RPA2: variants seen among roughly 807,000 people sequenced by gnomAD.
RPA2 encodes replication protein A 32 kDa subunit.
In RPA2, 22 loss-of-function variants were observed where a neutral mutation model predicts 33.4. That is an observed-to-expected ratio of 0.66 (90% CI 0.47 to 0.94). The LOEUF is 0.94. Ranked by LOEUF, RPA2 falls within the 40% of genes least tolerant of loss-of-function variation. The pLI is 0.00. For missense variants in RPA2, 279 were observed against 329.9 expected (o/e 0.85, Z 1.19); for synonymous variants, 109 against 114.9 (o/e 0.95, Z 0.33).
chr1:27,896,015 C>T (rs1328093408), intron 6 of RPA2, among the ~76,000 whole-genome samples: 1 of 152,088 alleles, frequency 6.6e-6, no homozygotes, highest in African/African-American at 2.4e-5. Flanking sequence ...CCTCCATCAG[C>T]CTCTTCTCCT....
At chr1:27,899,689 C>CT (rs1222313978) in intron 4 of RPA2, among the ~76,000 whole-genome samples, 6 of 150,046 alleles carry the variant, frequency 4.0e-5, no homozygotes, top group South Asian at 4.2e-4. Context: ...CAATTTTTTT[C>CT]TTTTTTTTTG....
At chr1:27,908,717 C>T (rs932729671) in intron 2 of RPA2, among the ~76,000 whole-genome samples, 2 of 152,002 alleles carry the variant, frequency 1.3e-5, no homozygotes, top group Non-Finnish European at 1.5e-5. Context: ...AGGCTGGTCT[C>T]GAACACCTGA....
chr1:27,914,411 C>T, intron 1 of RPA2, 23 bp downstream of exon 1: 1 of 1,610,758 alleles, frequency 6.2e-7, no homozygotes, highest in Non-Finnish European at 8.5e-7. Context: ...TCTTCCTCCT[C>T]CACCCCGCAC....
intron 4 of RPA2, among the ~76,000 whole-genome samples, chr1:27,903,864 TAAAAAAAAAAAAAAA>T (rs34163774): frequency 2.2e-5 from 2 of 92,858 alleles, no homozygotes; most frequent in African/African-American, 8.3e-5. Context: ...TGTCTCTATT[TAAAAAAAAAAAAAAA>T]AAAAAAAAAG....
chr1:27,892,837 A>G (rs1446992638), intron 8 of RPA2, among the ~76,000 whole-genome samples: 5 of 152,218 alleles, frequency 3.3e-5, no homozygotes, highest in African/African-American at 1.2e-4. Flanking sequence ...TTTACAGGAC[A>G]GGAAATGGAA....
chr1:27,908,456 A>G (rs551950591), intron 2 of RPA2, among the ~76,000 whole-genome samples: 2 of 152,052 alleles, frequency 1.3e-5, no homozygotes, highest in Admixed American at 6.6e-5. Flanking sequence ...GGGAAGAGGC[A>G]GGATAGGGTA....
intron 8 of RPA2, among the ~76,000 whole-genome samples, chr1:27,893,659 G>A (rs566720171): frequency 1.4e-4 from 22 of 152,198 alleles, no homozygotes; most frequent in African/African-American, 3.9e-4. Flanking sequence ...CCAGGCTGGA[G>A]TGCAGTGGTG....
At chr1:27,904,792 T>C (rs984098022) in intron 4 of RPA2, among the ~76,000 whole-genome samples, 1 of 151,892 alleles carries the variant, frequency 6.6e-6, no homozygotes, top group African/African-American at 2.4e-5. Flanking sequence ...AGCTTCTGGG[T>C]AGCTGGGATT....
At chr1:27,895,227 C>T (rs2089874539) in intron 6 of RPA2, among the ~76,000 whole-genome samples, 1 of 152,086 alleles carries the variant, frequency 6.6e-6, no homozygotes, top group Non-Finnish European at 1.5e-5. Flanking sequence ...GACTGCTAAC[C>T]GGATGCCAAC....
chr1:27,895,783 T>C (rs563223635), intron 6 of RPA2, among the ~76,000 whole-genome samples: 96 of 152,248 alleles, frequency 6.3e-4, no homozygotes, highest in African/African-American at 2.2e-3. Flanking sequence ...TTTTAAAAAT[T>C]TGAGTAAAGG....
intron 8 of RPA2, among the ~76,000 whole-genome samples, chr1:27,893,710 C>T (rs893350505): frequency 1.3e-5 from 2 of 151,972 alleles, no homozygotes; most frequent in Non-Finnish European, 2.9e-5. Context: ...TGGATTCATG[C>T]GATTCTCTTG....
intron 5 of RPA2, 48 bp downstream of exon 5, chr1:27,897,585 A>T: frequency 7.1e-7 from 1 of 1,401,422 alleles, no homozygotes; most frequent in Non-Finnish European, 9.8e-7. Flanking sequence ...GAATCTAGAA[A>T]CTGCTTCATG....
At chr1:27,892,627 C>A (rs912083165) in intron 8 of RPA2, among the ~76,000 whole-genome samples, 1 of 152,196 alleles carries the variant, frequency 6.6e-6, no homozygotes, top group Non-Finnish European at 1.5e-5. Flanking sequence ...TCCAGCCACA[C>A]ACTGAAACCC....
At chr1:27,912,240 TGC>T (rs2090106897) in intron 2 of RPA2, among the ~76,000 whole-genome samples, 2 of 151,790 alleles carry the variant, frequency 1.3e-5, no homozygotes, top group Non-Finnish European at 2.9e-5. Flanking sequence ...AAAATGAAAT[TGC>T]AGTTGTTAAA....
At chr1:27,907,702 A>C (rs2090046585) in intron 2 of RPA2, among the ~76,000 whole-genome samples, 1 of 152,184 alleles carries the variant, frequency 6.6e-6, no homozygotes, top group African/African-American at 2.4e-5. Flanking sequence ...AGAAATGACT[A>C]ATGGAGACAG....
intron 2 of RPA2, among the ~76,000 whole-genome samples, chr1:27,908,131 C>G (rs1030588570): frequency 6.6e-6 from 1 of 151,810 alleles, no homozygotes; most frequent in Non-Finnish European, 1.5e-5. Flanking sequence ...CTGCCCTCGG[C>G]CAAATTTTGT....
intron 2 of RPA2, among the ~76,000 whole-genome samples, chr1:27,909,250 C>T (rs1486259894): frequency 1.3e-5 from 2 of 152,170 alleles, no homozygotes; most frequent in African/African-American, 2.4e-5. Context: ...ATTTAGCAGT[C>T]GCAACTCTGA....
At chr1:27,905,814 A>G (rs1207275020) in intron 4 of RPA2, among the ~76,000 whole-genome samples, 1 of 151,722 alleles carries the variant, frequency 6.6e-6, no homozygotes, top group Non-Finnish European at 1.5e-5. Context: ...TTTTTAGTAG[A>G]GACAGGGTTT....
chr1:27,894,506 T>C (rs1277046230), intron 6 of RPA2, 109 bp from the exon 7 acceptor site: 2 of 809,668 alleles, frequency 2.5e-6, no homozygotes, highest in Non-Finnish European at 3.9e-6. Flanking sequence ...TATAAACAGT[T>C]TCCCAGTTTA....
Sources: allele counts gnomAD v4.1 joint callset (sites outside exome capture counted in the v4.1 genomes callset), GRCh38; gene constraint gnomAD v4.1.1; transcripts MANE v1.5; gene names NCBI Gene and HGNC (gene_info 2026-07-23, HGNC 2026-07-21).